CASK: variants seen among roughly 807,000 people sequenced by gnomAD.
CASK encodes calcium/calmodulin dependent serine protein kinase.
CASK carries 4 observed loss-of-function variants against 82.9 expected under a neutral mutation model. The observed-to-expected ratio is 0.05, with a 90% CI of 0.02 to 0.11. The LOEUF is 0.11. CASK is among the 10% of genes least tolerant of loss of function. CASK has a pLI of 1.00. For missense variants in CASK, 358 were observed against 720.9 expected (o/e 0.50, Z 5.76); for synonymous variants, 259 against 253.5 (o/e 1.02, Z -0.20).
chrX:41,811,338 G>A (rs1323174484), intron 2 of CASK, among the ~76,000 whole-genome samples: 1 of 111,828 alleles, frequency 8.9e-6, no homozygotes, highest in African/African-American at 3.3e-5. Flanking sequence ...GGAAGGGGAA[G>A]TAAACCACTT....
chrX:41,793,174 A>G (rs763992051), intron 2 of CASK, among the ~76,000 whole-genome samples: 35 of 111,954 alleles, frequency 3.1e-4, no homozygotes, highest in Admixed American at 1.2e-3. Flanking sequence ...GTGCCCCTCT[A>G]TAAGTCCTCA....
intron 5 of CASK, among the ~76,000 whole-genome samples, chrX:41,699,399 A>G (rs1384030482): frequency 5.4e-5 from 6 of 112,048 alleles, no homozygotes; most frequent in African/African-American, 1.9e-4. Context: ...TGCCCTGACA[A>G]TGTTAACACA....
chrX:41,782,645 A>G (rs964158525), intron 3 of CASK, among the ~76,000 whole-genome samples: 3 of 111,740 alleles, frequency 2.7e-5, no homozygotes, highest in African/African-American at 3.3e-5. Context: ...AGGCTCAGGG[A>G]ACTTATAAAA....
rs905095902 is a variant in CASK, at chrX:41,618,135, A to G, written c.1033+4482T>C. Among the ~76,000 whole-genome samples, 5 of 112,592 alleles carry G rather than the reference A, an allele frequency of 4.4e-5. No homozygotes were observed. In the Admixed American group the frequency reaches 4.7e-4, roughly 11 times the overall value. ...TCTGAAGAATTGAAAACAAAGTATG[A>G]GAAAGACTTAACCACAGAAAACAAT... On this transcript the variant is annotated intron_variant, in intron 11 of 26. Coordinates refer to ENST00000378163, the MANE Select transcript of CASK (RefSeq NM_001367721.1).
intron 7 of CASK, among the ~76,000 whole-genome samples, chrX:41,662,663 T>C (rs899711014): frequency 2.8e-5 from 3 of 109,027 alleles, no homozygotes; most frequent in South Asian, 4.1e-4. Context: ...TCGTGGTGCA[T>C]GCGCCTGTAA....
intron 1 of CASK, among the ~76,000 whole-genome samples, chrX:41,871,202 T>C (rs1360848577): frequency 8.9e-6 from 1 of 112,220 alleles, no homozygotes; most frequent in Non-Finnish European, 1.9e-5. Context: ...TACCAATTTC[T>C]TCTCATAATC....
intron 5 of CASK, among the ~76,000 whole-genome samples, chrX:41,726,466 T>G (rs1452069226): frequency 8.9e-5 from 10 of 111,747 alleles, no homozygotes; most frequent in Non-Finnish European, 1.9e-4. Flanking sequence ...GAGACTCTTC[T>G]AATAGTATTA....
chrX:41,750,759 G>C (rs1228635917), intron 3 of CASK, among the ~76,000 whole-genome samples: 1 of 112,259 alleles, frequency 8.9e-6, no homozygotes, highest in Non-Finnish European at 1.9e-5. Context: ...GAGGCACAAG[G>C]TATTACTGGC....
chrX:41,740,975 T>A (rs745907870), intron 4 of CASK, among the ~76,000 whole-genome samples: 11 of 110,985 alleles, frequency 9.9e-5, no homozygotes, highest in Non-Finnish European at 2.1e-4. Context: ...CTCTGCCTCC[T>A]GGGTTCAAGC....
intron 8 of CASK, among the ~76,000 whole-genome samples, chrX:41,638,273 T>C (rs1284454603): frequency 1.8e-5 from 2 of 110,914 alleles, no homozygotes; most frequent in Non-Finnish European, 3.8e-5. Context: ...ATATTTAAAA[T>C]AGGGTGGTTG....
intron 2 of CASK, among the ~76,000 whole-genome samples, chrX:41,788,607 C>T (rs1343291249): frequency 9.0e-6 from 1 of 111,333 alleles, no homozygotes; most frequent in Non-Finnish European, 1.9e-5. Flanking sequence ...GATTGACTTA[C>T]ATAAGGGTAG....
intron 16 of CASK, among the ~76,000 whole-genome samples, chrX:41,568,438 TAC>T (rs985533479): frequency 9.0e-6 from 1 of 110,725 alleles, no homozygotes; most frequent in Non-Finnish European, 1.9e-5. Flanking sequence ...TCATGTTGTG[TAC>T]ACAGTGATCT....
rs184220938 is a variant in CASK at position 41,705,473 on chromosome X, T to A, written c.429+33911A>T. On this transcript the variant is annotated intron_variant, in intron 5 of 26. Transcript: ENST00000378163. Reference sequence around the variant, plus strand: ...AGGAGACTGAGGTGGGAGGATCACTTGAGCCCAGGAGTTTGAGGCTACAGT... The same window carrying A: ...AGGAGACTGAGGTGGGAGGATCACTAGAGCCCAGGAGTTTGAGGCTACAGT... Among the ~76,000 whole-genome samples, 208 of 111,700 alleles carry A rather than the reference T, an allele frequency of 1.9e-3. 3 individuals are homozygous for A. Among genetic ancestry groups the A allele is most frequent in the Admixed American group, 0.017 (177 of 10,531 alleles).
intron 1 of CASK, among the ~76,000 whole-genome samples, chrX:41,874,648 T>C (rs186942879): frequency 4.6e-4 from 52 of 112,506 alleles, no homozygotes; most frequent in Non-Finnish European, 8.4e-4. Context: ...TCCAAAGTAC[T>C]ATATATCTCC....
chrX:41,629,097 C>G (rs1293121986), intron 9 of CASK, among the ~76,000 whole-genome samples: 5 of 111,553 alleles, frequency 4.5e-5, no homozygotes, highest in Non-Finnish European at 7.5e-5. Context: ...TAGTAGTATG[C>G]TTTAAATTTA....
intron 2 of CASK, among the ~76,000 whole-genome samples, chrX:41,833,487 G>T (rs1319365514): frequency 9.0e-6 from 1 of 111,230 alleles, no homozygotes; most frequent in Non-Finnish European, 1.9e-5. Flanking sequence ...TGGGAGGGGG[G>T]AAAATAGTGG....
intron 1 of CASK, among the ~76,000 whole-genome samples, chrX:41,884,995 T>C (rs964792229): frequency 1.8e-5 from 2 of 112,411 alleles, no homozygotes; most frequent in African/African-American, 3.2e-5. Context: ...TCTTGATACA[T>C]ACAGAATCCT....
chrX:41,770,074 G>A (rs1465674965), intron 3 of CASK, among the ~76,000 whole-genome samples: 2 of 110,847 alleles, frequency 1.8e-5, no homozygotes, highest in Admixed American at 9.7e-5. Flanking sequence ...AAGAGATCTC[G>A]ACCAATAACC....
At chrX:41,813,475 A>ATTT (rs1412016546) in intron 2 of CASK, among the ~76,000 whole-genome samples, 1 of 111,530 alleles carries the variant, frequency 9.0e-6, no homozygotes, top group Admixed American at 9.5e-5. Context: ...AAACCTGACA[A>ATTT]AAACAAGAAA....
Sources: gnomAD v4.1 joint callset for allele counts (sites outside exome capture counted in the v4.1 genomes callset) on GRCh38, gnomAD v4.1.1 for gene constraint, MANE v1.5 for transcripts, NCBI Gene and HGNC (gene_info 2026-07-23, HGNC 2026-07-21) for gene names.